The following TBC1D12 variants were observed in gnomAD, a reference collection of about 807,000 sequenced individuals.
TBC1D12 encodes the protein TBC1 domain family, member 12.
TBC1D12 carries 56 observed loss-of-function variants against 86.7 expected under a neutral mutation model. That is an observed-to-expected ratio of 0.65 (90% CI 0.52 to 0.81). The LOEUF (loss-of-function observed/expected upper bound fraction) is 0.81, where lower values mean the gene tolerates loss of function less well. TBC1D12 is among the 30% of genes least tolerant of loss of function. TBC1D12 has a pLI of 0.00. For synonymous variants in TBC1D12, 421 were observed against 411.7 expected (o/e 1.02, Z -0.27); for missense variants, 1,023 against 1,038.8 (o/e 0.98, Z 0.21).
intron 2 of TBC1D12, among the ~76,000 whole-genome samples, chr10:94,469,293 T>C (rs1324678697): frequency 6.6e-6 from 1 of 152,184 alleles, no homozygotes. Context: ...CTGGGTAAGC[T>C]CTGGGAAGTG....
intron 11 of TBC1D12, 125 bp from the exon 12 acceptor site, chr10:94,531,077 A>G (rs1314001583): frequency 1.8e-6 from 2 of 1,098,242 alleles, no homozygotes; most frequent in Non-Finnish European, 2.6e-6. Context: ...CCAGGATGGG[A>G]AAGCCATATG....
chr10:94,493,071 A>G (rs2056266837), intron 3 of TBC1D12, among the ~76,000 whole-genome samples: 1 of 152,086 alleles, frequency 6.6e-6, no homozygotes, highest in South Asian at 2.1e-4. Context: ...TAGCCTGAGC[A>G]ACATAGTGAG....
intron 6 of TBC1D12, among the ~76,000 whole-genome samples, chr10:94,502,102 G>A (rs192535635): frequency 1.5e-3 from 234 of 152,046 alleles, no homozygotes; most frequent in African/African-American, 4.9e-3. Flanking sequence ...GGAGGCCAAC[G>A]CGGGTGGATC....
chr10:94,520,961 C>T (rs1303186689), intron 9 of TBC1D12, among the ~76,000 whole-genome samples: 1 of 152,116 alleles, frequency 6.6e-6, no homozygotes, highest in Non-Finnish European at 1.5e-5. Context: ...GCGCCTGGCC[C>T]ATTGCAGTTA....
At chr10:94,447,587 C>G (rs544194294) in intron 2 of TBC1D12, 1 of 981,122 alleles carries the variant, frequency 1.0e-6, no homozygotes, top group African/African-American at 1.7e-5. Flanking sequence ...ATCACAAGAA[C>G]ATTCCTAGTA....
intron 1 of TBC1D12, among the ~76,000 whole-genome samples, chr10:94,410,954 G>A (rs1189299101): frequency 1.3e-5 from 2 of 152,038 alleles, no homozygotes; most frequent in African/African-American, 4.8e-5. Context: ...ACACAGTAGT[G>A]GACCACAAAT....
chr10:94,515,342 TG>T (rs202011460), intron 9 of TBC1D12, among the ~76,000 whole-genome samples: 27 of 151,022 alleles, frequency 1.8e-4, no homozygotes, highest in Middle Eastern at 3.4e-3. Flanking sequence ...TTGGTTTTTT[TG>T]TTTTGTTTTG....
At chr10:94,502,495 A>G (rs1337855381) in intron 6 of TBC1D12, among the ~76,000 whole-genome samples, 3 of 152,120 alleles carry the variant, frequency 2.0e-5, no homozygotes, top group East Asian at 3.9e-4. Context: ...TCTTGAGCCC[A>G]GGAGTTTGGG....
chr10:94,517,287 A>G (rs1429757495), intron 9 of TBC1D12, among the ~76,000 whole-genome samples: 1 of 152,138 alleles, frequency 6.6e-6, no homozygotes, highest in Non-Finnish European at 1.5e-5. Flanking sequence ...CTGAGCCACG[A>G]GAATTGCTTG....
At chr10:94,508,793 C>A (rs951933763) in intron 7 of TBC1D12, 1 of 152,130 alleles carries the variant, frequency 6.6e-6, no homozygotes, top group Admixed American at 6.6e-5. Flanking sequence ...AATTCCAATA[C>A]TGCATCATCT....
intron 9 of TBC1D12, among the ~76,000 whole-genome samples, chr10:94,514,655 C>G (rs1276622246): frequency 6.6e-6 from 1 of 152,190 alleles, no homozygotes; most frequent in East Asian, 1.9e-4. Context: ...ACTCTCTCAT[C>G]CCATTCATCT....
At chr10:94,502,803 A>G (rs2056415343) in intron 6 of TBC1D12, among the ~76,000 whole-genome samples, 1 of 152,212 alleles carries the variant, frequency 6.6e-6, no homozygotes, top group Admixed American at 6.5e-5. Context: ...TAGAAATAAT[A>G]TATTGTCACT....
At chr10:94,485,364 G>GT (rs1292247013) in intron 3 of TBC1D12, among the ~76,000 whole-genome samples, 2 of 152,080 alleles carry the variant, frequency 1.3e-5, no homozygotes, top group Non-Finnish European at 2.9e-5. Context: ...TTGTCTTTCT[G>GT]TTGAGGTGAT....
chr10:94,433,571 A>G (rs2055249200), intron 1 of TBC1D12, among the ~76,000 whole-genome samples: 1 of 152,214 alleles, frequency 6.6e-6, no homozygotes, highest in Non-Finnish European at 1.5e-5. Context: ...TATGTTTGGT[A>G]AGGATTACAA....
chr10:94,421,736 A>G (rs192047724), intron 1 of TBC1D12, among the ~76,000 whole-genome samples: 3 of 152,286 alleles, frequency 2.0e-5, no homozygotes, highest in African/African-American at 7.2e-5. Flanking sequence ...TGGGTTTGTA[A>G]TAGTATTTCT....
rs60477158 is a variant in TBC1D12, at chr10:94,437,991, C to CTTT, written c.972-3880_972-3878dup. 1.9e-3 allele frequency among the ~76,000 whole-genome samples: 56 copies of CTTT among 30,042 alleles called. 3 individuals are homozygous for CTTT. The highest frequency in any genetic ancestry group is 8.4e-3 in the African/African-American group (53 of 6,330). 19.7% of individuals were successfully genotyped at this position (30,042 alleles called of 152,430 possible). On this transcript the variant is annotated intron_variant, in intron 1 of 12. Transcript: ENST00000225235. ...TTTTTTCTTTTTCAATCTCCTGGAG[C>CTTT]TTTTTTTTTTTTTTTTTTTTTTTTT... is the stretch of plus-strand genomic sequence containing the variant.
chr10:94,420,199 C>CT (rs540453669), intron 1 of TBC1D12, among the ~76,000 whole-genome samples: 300 of 152,226 alleles, frequency 2.0e-3, no homozygotes, highest in Non-Finnish European at 2.5e-3. Context: ...GCTTGCTTCC[C>CT]TTTTTCTGCC....
chr10:94,435,077 A>G (rs2055275938), intron 1 of TBC1D12, among the ~76,000 whole-genome samples: 1 of 152,224 alleles, frequency 6.6e-6, no homozygotes, highest in Non-Finnish European at 1.5e-5. Context: ...TTGCAAATAT[A>G]CCACAATTAG....
chr10:94,511,633 C>T lies in TBC1D12; in HGVS notation c.1740C>T (p.Cys580=), dbSNP rs978415890. 6.2e-7 allele frequency: 1 copy of T among 1,612,606 alleles called. No homozygotes were observed. The highest frequency in any genetic ancestry group is 8.5e-7 in the Non-Finnish European group (1 of 1,178,922). ...ATAGTATTTTAGGGGCATACACATG[C>T]TACAGGCCTGATGTTGGTTATGTAA... ...VLHSILGAYT[C]YRPDVGYVQG... Residue 580 remains cysteine (C), a synonymous_variant, in exon 9 of 13, where the codon TGC becomes TGT. Transcript: ENST00000225235.
Sources: allele counts gnomAD v4.1 joint callset (sites outside exome capture counted in the v4.1 genomes callset), GRCh38; gene constraint gnomAD v4.1.1; transcripts MANE v1.5; gene names NCBI Gene and HGNC (gene_info 2026-07-23, HGNC 2026-07-21).